The following NELL2 variants were observed in gnomAD, a reference collection of about 807,000 sequenced individuals.
The protein encoded by NELL2 is neural EGFL like 2.
NELL2 carries 41 observed loss-of-function variants against 109.6 expected under a neutral mutation model. That is an observed-to-expected ratio of 0.37 (90% CI 0.29 to 0.49). The LOEUF is 0.49. Ranked by LOEUF, NELL2 falls within the 20% of genes least tolerant of loss-of-function variation. The pLI is 0.98. For missense variants in NELL2, 900 were observed against 1,008.3 expected, an observed-to-expected ratio of 0.89 and a Z score of 1.45; for synonymous variants, 355 against 344.7, an observed-to-expected ratio of 1.03 and a Z score of -0.33.
At chr12:44,745,007 G>A (rs1290799133) in intron 9 of NELL2, among the ~76,000 whole-genome samples, 1 of 152,118 alleles carries the variant, frequency 6.6e-6, no homozygotes, top group East Asian at 1.9e-4. Context: ...CCAAAAAAGA[G>A]AATTTTACAC....
chr12:44,625,559 T>C (rs1025954959), intron 13 of NELL2, among the ~76,000 whole-genome samples: 1 of 152,190 alleles, frequency 6.6e-6, no homozygotes, highest in African/African-American at 2.4e-5. Context: ...GTACTTCATC[T>C]GTGTTTATTG....
chr12:44,697,439 T>G (rs1949100902), intron 12 of NELL2, among the ~76,000 whole-genome samples: 1 of 152,054 alleles, frequency 6.6e-6, no homozygotes, highest in Admixed American at 6.6e-5. Context: ...AACTGGAGTA[T>G]CCAGGGAAAA....
intron 13 of NELL2, among the ~76,000 whole-genome samples, chr12:44,655,270 C>G (rs1190007759): frequency 3.9e-5 from 6 of 152,120 alleles, no homozygotes; most frequent in African/African-American, 7.2e-5. Context: ...CACTGGTGCT[C>G]TAAAGACCAA....
At chr12:44,709,610 T>C (rs1178813110) in intron 11 of NELL2, among the ~76,000 whole-genome samples, 2 of 152,186 alleles carry the variant, frequency 1.3e-5, no homozygotes, top group Admixed American at 1.3e-4. Flanking sequence ...ATAGATAGTT[T>C]TTTTGCAGAA....
chr12:44,800,745 T>C (rs971027606), intron 3 of NELL2, among the ~76,000 whole-genome samples: 5 of 152,166 alleles, frequency 3.3e-5, no homozygotes, highest in African/African-American at 1.2e-4. Context: ...CTGGCCTGTG[T>C]AGGAATTTTC....
intron 2 of NELL2, among the ~76,000 whole-genome samples, chr12:44,829,367 G>T (rs192309126): frequency 1.2e-3 from 188 of 152,218 alleles, no homozygotes; most frequent in African/African-American, 4.5e-3. Context: ...TTAAGAATCA[G>T]TAATTTGCTA....
At chr12:44,838,371 C>T (rs1944119289) in intron 2 of NELL2, among the ~76,000 whole-genome samples, 1 of 152,096 alleles carries the variant, frequency 6.6e-6, no homozygotes, top group South Asian at 2.1e-4. Flanking sequence ...CAGTCCCTTG[C>T]CACACAAATT....
At chr12:44,857,645 T>C (rs1566543741) in intron 2 of NELL2, among the ~76,000 whole-genome samples, 1 of 152,186 alleles carries the variant, frequency 6.6e-6, no homozygotes. Context: ...CCCCACAATA[T>C]AGAACTCAAA....
At chr12:44,526,472 C>G (rs1212104128) in intron 16 of NELL2, among the ~76,000 whole-genome samples, 1 of 152,166 alleles carries the variant, frequency 6.6e-6, no homozygotes, top group African/African-American at 2.4e-5. Flanking sequence ...AGCCACACAG[C>G]CAGTAGGCCC....
intron 15 of NELL2, among the ~76,000 whole-genome samples, chr12:44,580,895 G>A (rs541132778): frequency 2.3e-4 from 35 of 152,164 alleles, no homozygotes; most frequent in Middle Eastern, 3.4e-3. Context: ...AGGATATAGA[G>A]CTTCAGTTTG....
chr12:44,831,299 G>A (rs902515543), intron 2 of NELL2, among the ~76,000 whole-genome samples: 2 of 151,976 alleles, frequency 1.3e-5, no homozygotes, highest in African/African-American at 4.8e-5. Flanking sequence ...CCCATTTCAC[G>A]AACAGATTAC....
chr12:44,605,794 A>T (rs553521653), intron 15 of NELL2, among the ~76,000 whole-genome samples: 1 of 152,240 alleles, frequency 6.6e-6, no homozygotes, highest in African/African-American at 2.4e-5. Flanking sequence ...TATTGTATTC[A>T]GGAAGCCTTG....
intron 1 of NELL2, among the ~76,000 whole-genome samples, chr12:44,890,019 G>T (rs1274685529): frequency 6.6e-6 from 1 of 152,170 alleles, no homozygotes; most frequent in Non-Finnish European, 1.5e-5. Context: ...GCTTATGTTA[G>T]TATCTAAAAA....
chr12:44,532,811 G>T, intron 15 of NELL2, 90 bp from the exon 16 acceptor site: 1 of 1,213,966 alleles, frequency 8.2e-7, no homozygotes, highest in Non-Finnish European at 1.1e-6. Flanking sequence ...AATTTTTAAT[G>T]CCAGCAAATC....
chr12:44,778,809 C>A (rs918265874), intron 5 of NELL2, among the ~76,000 whole-genome samples: 1 of 152,188 alleles, frequency 6.6e-6, no homozygotes, highest in Admixed American at 6.5e-5. Flanking sequence ...TAGATGGAAT[C>A]ATATATTTCA....
At chr12:44,515,133 TC>T (rs1941202896) in intron 19 of NELL2, among the ~76,000 whole-genome samples, 1 of 151,738 alleles carries the variant, frequency 6.6e-6, no homozygotes, top group African/African-American at 2.4e-5. Context: ...TAGTCCTAAA[TC>T]CATCAGTGTC....
intron 1 of NELL2, 80 bp from the exon 2 acceptor site, chr12:44,875,433 G>T: frequency 6.2e-7 from 1 of 1,613,912 alleles, no homozygotes; most frequent in Non-Finnish European, 8.5e-7. Flanking sequence ...GGGCAGCAAA[G>T]AACCGCGTTT....
chr12:44,748,809 G>C (rs1278507125), intron 9 of NELL2, among the ~76,000 whole-genome samples: 1 of 152,068 alleles, frequency 6.6e-6, no homozygotes, highest in African/African-American at 2.4e-5. Flanking sequence ...TCCAAACTAA[G>C]TATTCAAACA....
At chr12:44,558,175 G>A (rs1943325935) in intron 15 of NELL2, among the ~76,000 whole-genome samples, 1 of 152,224 alleles carries the variant, frequency 6.6e-6, no homozygotes, top group Non-Finnish European at 1.5e-5. Context: ...TTTACAGGTT[G>A]AGGAAATGGG....
Sources: gnomAD v4.1 joint callset for allele counts (sites outside exome capture counted in the v4.1 genomes callset) on GRCh38, gnomAD v4.1.1 for gene constraint, MANE v1.5 for transcripts, NCBI Gene and HGNC (gene_info 2026-07-23, HGNC 2026-07-21) for gene names.